The following PARD3 variants were observed in gnomAD, a reference collection of about 807,000 sequenced individuals.
PARD3 encodes partitioning defective 3 homolog.
PARD3 carries 75 observed loss-of-function variants against 155.4 expected under a neutral mutation model. The observed-to-expected ratio is 0.48, with a 90% CI of 0.40 to 0.58. The LOEUF is 0.58. PARD3 is among the 20% of genes least tolerant of loss of function. The pLI is 0.00. For missense variants in PARD3, 1,642 were observed against 1,721.7 expected, an observed-to-expected ratio of 0.95 and a Z score of 0.82; for synonymous variants, 576 against 610.5, an observed-to-expected ratio of 0.94 and a Z score of 0.83.
intron 9 of PARD3, among the ~76,000 whole-genome samples, chr10:34,380,059 TAATA>T (rs1841670988): frequency 6.6e-6 from 1 of 152,108 alleles, no homozygotes; most frequent in Non-Finnish European, 1.5e-5. Flanking sequence ...TGTACTTCAC[TAATA>T]AATGTAATAA....
At chr10:34,117,726 A>G (rs1946760739) in intron 24 of PARD3, among the ~76,000 whole-genome samples, 1 of 152,176 alleles carries the variant, frequency 6.6e-6, no homozygotes, top group Non-Finnish European at 1.5e-5. Context: ...AGCCTGGACA[A>G]CATGGCAAAC....
chr10:34,437,420 A>AG (rs2076243819), intron 5 of PARD3, among the ~76,000 whole-genome samples: 1 of 152,204 alleles, frequency 6.6e-6, no homozygotes, highest in Admixed American at 6.5e-5. Flanking sequence ...GTACAAAAAA[A>AG]GCTTTACTCA....
At chr10:34,758,814 G>T (rs1837063949) in intron 1 of PARD3, among the ~76,000 whole-genome samples, 1 of 152,212 alleles carries the variant, frequency 6.6e-6, no homozygotes, top group South Asian at 2.1e-4. Flanking sequence ...AGCTCCTTAA[G>T]TTGGTGACGG....
At chr10:34,731,541 C>T (rs1223974133) in intron 1 of PARD3, among the ~76,000 whole-genome samples, 1 of 152,294 alleles carries the variant, frequency 6.6e-6, no homozygotes, top group Non-Finnish European at 1.5e-5. Flanking sequence ...AAAATGACCA[C>T]ACTTTTGAGG....
intron 2 of PARD3, among the ~76,000 whole-genome samples, chr10:34,569,196 C>T (rs2086188744): frequency 6.6e-6 from 1 of 152,108 alleles, no homozygotes; most frequent in Non-Finnish European, 1.5e-5. Context: ...AAGGTTCAAA[C>T]ATCAACATGT....
At chr10:34,449,987 AGAG>A (rs1478857157) in intron 5 of PARD3, among the ~76,000 whole-genome samples, 3 of 152,210 alleles carry the variant, frequency 2.0e-5, no homozygotes, top group South Asian at 4.1e-4. Context: ...CTATTAAAGA[AGAG>A]AAGAGTCTTG....
chr10:34,643,653 C>T (rs1421734312), intron 2 of PARD3, among the ~76,000 whole-genome samples: 1 of 152,224 alleles, frequency 6.6e-6, no homozygotes, highest in Non-Finnish European at 1.5e-5. Context: ...GGTGTGGCGG[C>T]TCACACCTAT....
At chr10:34,366,846 A>C (rs1840013498) in intron 12 of PARD3, among the ~76,000 whole-genome samples, 1 of 152,248 alleles carries the variant, frequency 6.6e-6, no homozygotes, top group African/African-American at 2.4e-5. Context: ...TAAGTTCCCC[A>C]TTTTAATTTA....
chr10:34,183,373 CAGAT>C (rs1175255948), intron 22 of PARD3, among the ~76,000 whole-genome samples: 2 of 152,142 alleles, frequency 1.3e-5, no homozygotes, highest in Non-Finnish European at 2.9e-5. Context: ...AATTTTTAGG[CAGAT>C]AGAAAGGGTA....
chr10:34,464,394 G>A (rs2077876029), intron 4 of PARD3, among the ~76,000 whole-genome samples: 2 of 152,060 alleles, frequency 1.3e-5, no homozygotes, highest in Admixed American at 1.3e-4. Context: ...GGACTTCTCA[G>A]AGCATTTTAT....
chr10:34,591,659 G>A (rs1231038097), intron 2 of PARD3, among the ~76,000 whole-genome samples: 8 of 152,174 alleles, frequency 5.3e-5, no homozygotes, highest in Non-Finnish European at 1.0e-4. Flanking sequence ...ATCAGGGGAC[G>A]AGAATTCCCA....
At chr10:34,403,967 A>G (rs117537606) in intron 5 of PARD3, among the ~76,000 whole-genome samples, 1,962 of 152,302 alleles carry the variant, frequency 0.013, 10 homozygotes, top group Middle Eastern at 0.02. Flanking sequence ...TCACCACTTG[A>G]AACACCTATG....
chr10:34,344,361 C>A (rs973995132), intron 15 of PARD3: 1 of 813,344 alleles, frequency 1.2e-6, no homozygotes, highest in Non-Finnish European at 1.5e-6. Flanking sequence ...CAGCTCAATG[C>A]AAGCTCTGCC....
chr10:34,386,099 C>T (rs560882649), intron 7 of PARD3, among the ~76,000 whole-genome samples: 46 of 152,036 alleles, frequency 3.0e-4, no homozygotes, highest in Non-Finnish European at 4.6e-4. Context: ...GTAAGGTCAA[C>T]GATTAATTTC....
intron 1 of PARD3, among the ~76,000 whole-genome samples, chr10:34,789,489 G>A (rs898259970): frequency 1.3e-5 from 2 of 152,096 alleles, no homozygotes; most frequent in African/African-American, 4.8e-5. Context: ...TCTGAGGCCA[G>A]GAGTTCAAGA....
intron 2 of PARD3, among the ~76,000 whole-genome samples, chr10:34,593,770 A>C (rs1291072529): frequency 6.6e-6 from 1 of 152,214 alleles, no homozygotes; most frequent in Non-Finnish European, 1.5e-5. Flanking sequence ...GGAAGACATG[A>C]GCTACCATTC....
At chr10:34,419,131 A>G (rs1845950472) in intron 5 of PARD3, among the ~76,000 whole-genome samples, 1 of 152,138 alleles carries the variant, frequency 6.6e-6, no homozygotes, top group Non-Finnish European at 1.5e-5. Context: ...AAACAGAATA[A>G]CTGTTGAATA....
intron 5 of PARD3, among the ~76,000 whole-genome samples, chr10:34,447,475 C>A (rs548273303): frequency 1.5e-5 from 1 of 67,194 alleles, no homozygotes; most frequent in Non-Finnish European, 2.8e-5. Context: ...AGCAAGACTG[C>A]GTCTCAAAAA....
At chr10:34,205,710 T>C (rs985402322) in intron 22 of PARD3, among the ~76,000 whole-genome samples, 7 of 152,164 alleles carry the variant, frequency 4.6e-5, no homozygotes, top group Non-Finnish European at 7.3e-5. Flanking sequence ...GGCCTGAAGA[T>C]GGGCAGGGAC....
Sources: allele counts gnomAD v4.1 joint callset (sites outside exome capture counted in the v4.1 genomes callset), GRCh38; gene constraint gnomAD v4.1.1; transcripts MANE v1.5; gene names NCBI Gene and HGNC (gene_info 2026-07-23, HGNC 2026-07-21).